Variants in OSBPL1A observed in about 807,000 individuals in gnomAD.
The protein encoded by OSBPL1A is oxysterol binding protein like 1A.
A neutral mutation model predicts 137.1 loss-of-function variants in OSBPL1A; 80 were observed. The ratio of observed to expected loss-of-function variants is 0.58; its 90% CI spans 0.49 to 0.70. The LOEUF (loss-of-function observed/expected upper bound fraction) is 0.70. Ranked by LOEUF, OSBPL1A falls within the 30% of genes least tolerant of loss-of-function variation. OSBPL1A has a pLI of 0.00. For missense variants in OSBPL1A, 970 were observed against 1,129.4 expected (o/e 0.86, Z 2.02); for synonymous variants, 365 against 389.7 (o/e 0.94, Z 0.75).
At chr18:24,292,681 T>C (rs371934338) in intron 14 of OSBPL1A, among the ~76,000 whole-genome samples, 26 of 151,970 alleles carry the variant, frequency 1.7e-4, no homozygotes, top group Non-Finnish European at 3.1e-4. Context: ...CACACACTCA[T>C]AGGAAGTCTG....
chr18:24,372,473 C>T (rs1252470858), intron 2 of OSBPL1A, among the ~76,000 whole-genome samples: 1 of 152,156 alleles, frequency 6.6e-6, no homozygotes, highest in Non-Finnish European at 1.5e-5. Context: ...GTCCTCCGTA[C>T]ACACACTCGC....
At chr18:24,198,863 G>GTTTT (rs570099539) in intron 17 of OSBPL1A, among the ~76,000 whole-genome samples, 1 of 141,666 alleles carries the variant, frequency 7.1e-6, no homozygotes, top group African/African-American at 2.6e-5. Flanking sequence ...TTTTTTTGTT[G>GTTTT]TTTTTTTTTT....
intron 7 of OSBPL1A, among the ~76,000 whole-genome samples, chr18:24,331,468 C>G (rs1261178527): frequency 2.0e-5 from 3 of 149,318 alleles, no homozygotes; most frequent in Non-Finnish European, 4.4e-5. Flanking sequence ...GCGATCTCGG[C>G]TCACTGCAAG....
chr18:24,325,465 T>TC (rs1215274561), intron 7 of OSBPL1A, among the ~76,000 whole-genome samples: 1 of 152,250 alleles, frequency 6.6e-6, no homozygotes, highest in African/African-American at 2.4e-5. Context: ...CCTTGAATGC[T>TC]CTTCTGCCAG....
At chr18:24,171,621 C>T (rs2086289947) in intron 22 of OSBPL1A, 123 bp from the exon 23 acceptor site, 1 of 712,980 alleles carries the variant, frequency 1.4e-6, no homozygotes, top group Non-Finnish European at 2.4e-6. Context: ...TGCCAGGCTC[C>T]ATACTAAAGT....
chr18:24,258,214 AC>A (rs1599575255), intron 15 of OSBPL1A, among the ~76,000 whole-genome samples: 3 of 152,184 alleles, frequency 2.0e-5, no homozygotes, highest in African/African-American at 7.2e-5. Flanking sequence ...TTTGGAAGCA[AC>A]CTACGTGTCC....
At chr18:24,196,591 G>A (rs1466822292) in intron 17 of OSBPL1A, among the ~76,000 whole-genome samples, 1 of 152,094 alleles carries the variant, frequency 6.6e-6, no homozygotes, top group Non-Finnish European at 1.5e-5. Flanking sequence ...TTCTCTAGCC[G>A]CTAAATGATG....
At chr18:24,197,605 A>C (rs531977315) in intron 17 of OSBPL1A, among the ~76,000 whole-genome samples, 4 of 152,224 alleles carry the variant, frequency 2.6e-5, no homozygotes, top group Non-Finnish European at 5.9e-5. Flanking sequence ...AATCTGCTGG[A>C]TAAGTGGCCA....
intron 15 of OSBPL1A, among the ~76,000 whole-genome samples, chr18:24,257,151 A>G (rs2089304128): frequency 6.6e-6 from 1 of 152,174 alleles, no homozygotes; most frequent in African/African-American, 2.4e-5. Flanking sequence ...GTGGAACCAC[A>G]GGGGACCCAA....
intron 1 of OSBPL1A, among the ~76,000 whole-genome samples, chr18:24,385,246 A>C (rs184217335): frequency 2.0e-5 from 3 of 151,864 alleles, no homozygotes; most frequent in Non-Finnish European, 4.4e-5. Flanking sequence ...GAGCCACCGC[A>C]CCCGGCCTGT....
intron 4 of OSBPL1A, among the ~76,000 whole-genome samples, chr18:24,359,110 G>A (rs904279831): frequency 1.3e-5 from 2 of 151,706 alleles, no homozygotes; most frequent in African/African-American, 4.8e-5. Context: ...CCTAATTCCT[G>A]GGGAGGCTAG....
chr18:24,302,359 TA>T (rs1322606994), intron 14 of OSBPL1A: 16 of 152,060 alleles, frequency 1.1e-4, no homozygotes, highest in African/African-American at 3.9e-4. Context: ...TTAAGAAACA[TA>T]ATTTTTTAAT....
intron 11 of OSBPL1A, among the ~76,000 whole-genome samples, chr18:24,316,940 G>A (rs971552766): frequency 6.6e-6 from 1 of 152,148 alleles, no homozygotes; most frequent in African/African-American, 2.4e-5. Flanking sequence ...AATACATGGA[G>A]ATAAATAAAA....
chr18:24,188,665 T>C (rs1037518913), intron 18 of OSBPL1A, among the ~76,000 whole-genome samples: 1 of 152,200 alleles, frequency 6.6e-6, no homozygotes, highest in Non-Finnish European at 1.5e-5. Flanking sequence ...AACCTGGACC[T>C]TGGAAGAGTG....
chr18:24,321,758 T>A (rs770165116), intron 7 of OSBPL1A: 3 of 472,954 alleles, frequency 6.3e-6, no homozygotes, highest in South Asian at 3.2e-5. Flanking sequence ...ACAAATAAAT[T>A]TTTTAAAAAG....
intron 15 of OSBPL1A, among the ~76,000 whole-genome samples, chr18:24,241,017 C>A (rs11873728): frequency 0.12 from 18,422 of 152,208 alleles, 2,204 homozygotes; most frequent in African/African-American, 0.31. Context: ...CAAAAACAAG[C>A]AATGGGGAAA....
intron 18 of OSBPL1A, among the ~76,000 whole-genome samples, chr18:24,182,841 T>C (rs765382040): frequency 4.2e-4 from 64 of 152,268 alleles, no homozygotes; most frequent in Non-Finnish European, 8.1e-4. Flanking sequence ...CTTGTCTTAA[T>C]TGAAGTGTCC....
At chr18:24,175,104 G>A (rs201225097) in intron 21 of OSBPL1A, among the ~76,000 whole-genome samples, 609 of 42,500 alleles carry the variant, frequency 0.014, 27 homozygotes, top group African/African-American at 0.036. Context: ...TTTGCCATGT[G>A]TATGTATATA....
rs542697108 is a variant in OSBPL1A, at chr18:24,308,379, A to T, written c.1092+3605T>A. On this transcript the variant is annotated intron_variant, in intron 13 of 27. Transcript: ENST00000319481. ...TTGCTGCAGCCTCAGCCTCAAAATT[A>T]AAAAAAAAAAAAAAATTTGTTTTTA... is the stretch of plus-strand genomic sequence containing the variant. Among the ~76,000 whole-genome samples the T allele has an allele frequency of 2.2e-4, 17 of 75,828 alleles. 1 individual carries two copies. Among genetic ancestry groups the T allele is most frequent in the Admixed American group, 8.1e-4 (8 of 9,920 alleles). 49.7% of individuals were successfully genotyped at this position (75,828 alleles called of 152,430 possible).
Sources: allele counts gnomAD v4.1 joint callset (sites outside exome capture counted in the v4.1 genomes callset), GRCh38; gene constraint gnomAD v4.1.1; transcripts MANE v1.5; gene names NCBI Gene and HGNC (gene_info 2026-07-23, HGNC 2026-07-21).